Variants in TRPM3 observed in about 807,000 individuals in gnomAD.
TRPM3 encodes transient receptor potential cation channel subfamily M member 3, also known as long transient receptor potential channel 3.
In TRPM3, 77 loss-of-function variants were observed where a neutral mutation model predicts 181.2. The observed-to-expected ratio is 0.42, with a 90% CI of 0.35 to 0.51. TRPM3 has a LOEUF of 0.51. Among genes scored for constraint, TRPM3 ranks in the 20% least tolerant of loss-of-function variants. The probability of loss-of-function intolerance (pLI) is 0.01; values close to 1 mark genes in which losing one functional copy is unlikely to be tolerated. For missense variants in TRPM3, 1,759 were observed against 2,196.7 expected (o/e 0.80, Z 3.98); for synonymous variants, 745 against 796.4 (o/e 0.94, Z 1.09).
At chr9:71,223,277 C>G (rs2080359323) in intron 1 of TRPM3, among the ~76,000 whole-genome samples, 1 of 152,128 alleles carries the variant, frequency 6.6e-6, no homozygotes, top group Admixed American at 6.5e-5. Context: ...CAGGTCCTAG[C>G]TTCTGGGCAT....
At chr9:70,636,382 A>T (rs17055457) in intron 11 of TRPM3, among the ~76,000 whole-genome samples, 2,704 of 152,284 alleles carry the variant, frequency 0.018, 83 homozygotes, top group African/African-American at 0.061. Context: ...TTAAAGAAAA[A>T]GCCACAGACT....
intron 14 of TRPM3, among the ~76,000 whole-genome samples, chr9:70,621,813 A>G: frequency 6.6e-6 from 1 of 152,220 alleles, no homozygotes; most frequent in East Asian, 1.9e-4. Flanking sequence ...ATTTTAATGA[A>G]TCTACAGAAA....
intron 1 of TRPM3, among the ~76,000 whole-genome samples, chr9:71,345,004 GGTC>G (rs2091206608): frequency 1.3e-5 from 2 of 152,150 alleles, no homozygotes; most frequent in African/African-American, 2.4e-5. Context: ...CATCATCACT[GGTC>G]ATTAGAGAAA....
chr9:71,326,196 A>G (rs1456041091), intron 1 of TRPM3, among the ~76,000 whole-genome samples: 2 of 152,242 alleles, frequency 1.3e-5, no homozygotes, highest in Admixed American at 6.5e-5. Context: ...GAATGATGCT[A>G]TCTTGTAGCA....
chr9:71,414,950 C>T (rs2093614480), intron 1 of TRPM3, among the ~76,000 whole-genome samples: 1 of 152,018 alleles, frequency 6.6e-6, no homozygotes, highest in South Asian at 2.1e-4. Flanking sequence ...AGGTTATAAT[C>T]TCGAACCTGT....
chr9:71,078,881 C>T (rs2063824221), intron 1 of TRPM3, among the ~76,000 whole-genome samples: 1 of 152,160 alleles, frequency 6.6e-6, no homozygotes, highest in African/African-American at 2.4e-5. Context: ...GTAATAAGTG[C>T]CATGACTGTC....
chr9:71,298,540 TAATC>T (rs1383219488), intron 1 of TRPM3, among the ~76,000 whole-genome samples: 2 of 152,046 alleles, frequency 1.3e-5, no homozygotes, highest in Non-Finnish European at 2.9e-5. Flanking sequence ...CAGCAGTATA[TAATC>T]AATATGGTAC....
intron 9 of TRPM3, among the ~76,000 whole-genome samples, chr9:70,642,919 T>A (rs1374055963): frequency 6.6e-6 from 1 of 152,198 alleles, no homozygotes; most frequent in Admixed American, 6.5e-5. Context: ...CCGCTGCTGC[T>A]GATCTGGGGC....
intron 1 of TRPM3, among the ~76,000 whole-genome samples, chr9:71,405,468 ATAAACAAAATC>A (rs1330642389): frequency 1.3e-5 from 2 of 152,198 alleles, no homozygotes; most frequent in African/African-American, 4.8e-5. Flanking sequence ...TTATTCTCAT[ATAAACAAAATC>A]TTAACCTGAA....
upstream of TRPM3, among the ~76,000 whole-genome samples, chr9:71,126,053 G>A (rs919334200): frequency 1.3e-5 from 2 of 151,956 alleles, no homozygotes; most frequent in African/African-American, 4.8e-5. Context: ...CATTAGAAAG[G>A]GGGCAAAGGA....
At chr9:70,884,690 C>G (rs2096058795) in intron 1 of TRPM3, among the ~76,000 whole-genome samples, 6 of 152,162 alleles carry the variant, frequency 3.9e-5, no homozygotes, top group Admixed American at 3.9e-4. Context: ...GGTTCATGTT[C>G]CTGCTTCATA....
At chr9:71,150,103 T>A (rs1384839422) in intron 1 of TRPM3, among the ~76,000 whole-genome samples, 2 of 151,122 alleles carry the variant, frequency 1.3e-5, no homozygotes, top group South Asian at 2.1e-4. Flanking sequence ...TTAAAAAAAA[T>A]TAGAGGGCAG....
At chr9:71,436,721 A>C (rs993030508) in intron 1 of TRPM3, among the ~76,000 whole-genome samples, 1 of 152,174 alleles carries the variant, frequency 6.6e-6, no homozygotes, top group Non-Finnish European at 1.5e-5. Context: ...AAAGGCAAGC[A>C]AATAGATTTT....
At chr9:70,912,860 C>T (rs2096552369) in intron 1 of TRPM3, among the ~76,000 whole-genome samples, 1 of 152,132 alleles carries the variant, frequency 6.6e-6, no homozygotes, top group Admixed American at 6.6e-5. Context: ...CAATAAACTA[C>T]ACATATTCAA....
chr9:71,215,217 A>G (rs893594102), intron 1 of TRPM3, among the ~76,000 whole-genome samples: 5 of 152,182 alleles, frequency 3.3e-5, no homozygotes, highest in Non-Finnish European at 7.3e-5. Context: ...AATTTTTAAA[A>G]ATTTACTTCT....
At chr9:70,879,290 G>A (rs2095936255) in intron 1 of TRPM3, among the ~76,000 whole-genome samples, 1 of 152,102 alleles carries the variant, frequency 6.6e-6, no homozygotes, top group Non-Finnish European at 1.5e-5. Flanking sequence ...AGTGCTCTCA[G>A]CACAGAGTAA....
intron 1 of TRPM3, among the ~76,000 whole-genome samples, chr9:71,389,673 A>T (rs2093015080): frequency 6.6e-6 from 1 of 152,142 alleles, no homozygotes. Context: ...ATGAGTTAAC[A>T]GCATTTGCAG....
chr9:70,608,651 C>T (rs557729682), intron 19 of TRPM3, among the ~76,000 whole-genome samples: 14 of 152,198 alleles, frequency 9.2e-5, no homozygotes, highest in East Asian at 7.7e-4. Flanking sequence ...GCCTGGCCAA[C>T]GTGGCAAAAC....
chr9:70,771,831 A>G (rs2080333973), intron 7 of TRPM3, among the ~76,000 whole-genome samples: 1 of 152,126 alleles, frequency 6.6e-6, no homozygotes, highest in Non-Finnish European at 1.5e-5. Flanking sequence ...CTTACCCCAT[A>G]GCATATATCT....
Sources: allele counts gnomAD v4.1 joint callset (sites outside exome capture counted in the v4.1 genomes callset), GRCh38; gene constraint gnomAD v4.1.1; transcripts MANE v1.5; gene names NCBI Gene and HGNC (gene_info 2026-07-23, HGNC 2026-07-21).